Variants in LYPLAL1 observed in about 807,000 individuals in gnomAD.
LYPLAL1 encodes the protein lysophospholipase like 1.
A neutral mutation model predicts 19.7 loss-of-function variants in LYPLAL1; 23 were observed. The observed-to-expected ratio is 1.17, with a 90% CI of 0.84 to 1.65. The LOEUF (loss-of-function observed/expected upper bound fraction) is 1.65, where lower values mean the gene tolerates loss of function less well. LYPLAL1 is among the 40% of genes most tolerant of loss of function. LYPLAL1 has a pLI of 0.00. For synonymous variants in LYPLAL1, 119 were observed against 96.3 expected (o/e 1.24, Z -1.38); for missense variants, 355 against 279.4 (o/e 1.27, Z -1.93).
intron 3 of LYPLAL1, among the ~76,000 whole-genome samples, chr1:219,197,073 G>A (rs1455058177): frequency 1.3e-5 from 2 of 152,134 alleles, no homozygotes; most frequent in African/African-American, 4.8e-5. Flanking sequence ...GTAATTTATA[G>A]ATTCAATGCT....
rs368320192 is a variant in LYPLAL1 at position 219,173,884 on chromosome 1, A to G, written c.-7A>G. ...GCGGAACCGCATGACTGGCAGTGGC[A>G]TCAGCGATGGCGGCTGCGTCGGGGT... On this transcript the variant is annotated 5_prime_UTR_variant, in exon 1 of 5. Transcript: ENST00000366928. 3.1e-6 allele frequency: 5 copies of G among 1,611,752 alleles called. No individual in the cohort carries two copies. The highest frequency in any genetic ancestry group is 1.3e-5 in the African/African-American group (1 of 74,950).
At chr1:219,234,181 G>T in the LYPLAL1 span, among the ~76,000 whole-genome samples, 1 of 151,984 alleles carries the variant, frequency 6.6e-6, no homozygotes, top group Non-Finnish European at 1.5e-5. Context: ...GTGTTTGTTA[G>T]GTATCCAATA....
the LYPLAL1 span, among the ~76,000 whole-genome samples, chr1:219,292,938 G>C: frequency 6.6e-6 from 1 of 152,126 alleles, no homozygotes; most frequent in Non-Finnish European, 1.5e-5. Flanking sequence ...CCCACCCAAA[G>C]GCATGTGTTG....
the LYPLAL1 span, among the ~76,000 whole-genome samples, chr1:219,341,026 G>A: frequency 0.034 from 5,152 of 152,028 alleles, 284 homozygotes; most frequent in African/African-American, 0.12. Flanking sequence ...AATGTGCAAG[G>A]CCTTATTCAC....
At chr1:219,378,628 C>G in the LYPLAL1 span, among the ~76,000 whole-genome samples, 2 of 151,954 alleles carry the variant, frequency 1.3e-5, no homozygotes, top group Admixed American at 1.3e-4. Context: ...GGTTCTCCAT[C>G]CGAGGAAGCT....
chr1:219,314,501 G>A, the LYPLAL1 span, among the ~76,000 whole-genome samples: 1 of 152,044 alleles, frequency 6.6e-6, no homozygotes, highest in African/African-American at 2.4e-5. Flanking sequence ...CTGGAGTGCA[G>A]TGGCGCAATC....
chr1:219,221,235 T>A, the LYPLAL1 span, among the ~76,000 whole-genome samples: 31 of 152,262 alleles, frequency 2.0e-4, no homozygotes, highest in Middle Eastern at 3.4e-3. Context: ...AGCCACCCAG[T>A]GGACACCAGC....
At chr1:219,424,527 G>A in the LYPLAL1 span, among the ~76,000 whole-genome samples, 4 of 152,140 alleles carry the variant, frequency 2.6e-5, no homozygotes, top group African/African-American at 9.7e-5. Context: ...ACCGGGCATG[G>A]AACAACAACG....
At chr1:219,242,070 G>T in the LYPLAL1 span, among the ~76,000 whole-genome samples, 12 of 152,214 alleles carry the variant, frequency 7.9e-5, no homozygotes, top group South Asian at 4.2e-4. Flanking sequence ...TTTAACCTTT[G>T]GTTAAAGGTA....
the LYPLAL1 span, among the ~76,000 whole-genome samples, chr1:219,259,605 A>G: frequency 2.6e-5 from 4 of 151,614 alleles, no homozygotes; most frequent in Admixed American, 6.6e-5. Flanking sequence ...ACACAAAGGC[A>G]TAAGAATGAT....
chr1:219,332,741 G>GGT, the LYPLAL1 span, among the ~76,000 whole-genome samples: 1 of 148,754 alleles, frequency 6.7e-6, no homozygotes, highest in African/African-American at 2.5e-5. Flanking sequence ...GCAACTAAAT[G>GGT]TTTTTTTTTA....
chr1:219,266,117 G>C, the LYPLAL1 span, among the ~76,000 whole-genome samples: 2 of 151,932 alleles, frequency 1.3e-5, no homozygotes, highest in Non-Finnish European at 2.9e-5. Context: ...TTTGCTAACT[G>C]TAGCTTTTTT....
At chr1:219,325,450 C>T in the LYPLAL1 span, among the ~76,000 whole-genome samples, 1 of 152,082 alleles carries the variant, frequency 6.6e-6, no homozygotes, top group Non-Finnish European at 1.5e-5. Flanking sequence ...GGCACCGTCC[C>T]TTTCTTGACT....
chr1:219,245,562 G>A, the LYPLAL1 span, among the ~76,000 whole-genome samples: 3 of 152,152 alleles, frequency 2.0e-5, no homozygotes, highest in African/African-American at 7.2e-5. Flanking sequence ...TTATATGAGA[G>A]CAAGAGAAGT....
chr1:219,288,472 G>A, the LYPLAL1 span, among the ~76,000 whole-genome samples: 1 of 152,112 alleles, frequency 6.6e-6, no homozygotes, highest in South Asian at 2.1e-4. Context: ...TTTGAGGCGT[G>A]GGATAATTTA....
At chr1:219,248,158 T>A in the LYPLAL1 span, among the ~76,000 whole-genome samples, 1 of 152,136 alleles carries the variant, frequency 6.6e-6, no homozygotes, top group Non-Finnish European at 1.5e-5. Context: ...GTTTTAAGAG[T>A]CAAATGCTCC....
chr1:219,333,647 A>G, the LYPLAL1 span, among the ~76,000 whole-genome samples: 1 of 152,058 alleles, frequency 6.6e-6, no homozygotes, highest in African/African-American at 2.4e-5. Context: ...TTTATAAGAG[A>G]AATAAGAATT....
chr1:219,213,322 A>G (rs550017442), downstream of LYPLAL1, among the ~76,000 whole-genome samples: 3 of 151,808 alleles, frequency 2.0e-5, no homozygotes, highest in African/African-American at 7.2e-5. Context: ...CTTAATTACT[A>G]TAACTGTATA....
At chr1:219,326,850 A>C in the LYPLAL1 span, among the ~76,000 whole-genome samples, 1 of 152,344 alleles carries the variant, frequency 6.6e-6, no homozygotes, top group Non-Finnish European at 1.5e-5. Context: ...GAAAAAGAAG[A>C]AAATAGACAA....
Sources: gnomAD v4.1 joint callset for allele counts (sites outside exome capture counted in the v4.1 genomes callset) on GRCh38, gnomAD v4.1.1 for gene constraint, MANE v1.5 for transcripts, NCBI Gene and HGNC (gene_info 2026-07-23, HGNC 2026-07-21) for gene names.